ZBTB7C: variants seen among roughly 807,000 people sequenced by gnomAD.
ZBTB7C encodes the protein zinc finger and BTB domain containing 7C.
A neutral mutation model predicts 25.7 loss-of-function variants in ZBTB7C; 8 were observed. The observed-to-expected ratio is 0.31, with a 90% CI of 0.18 to 0.56. The LOEUF (loss-of-function observed/expected upper bound fraction) is 0.56. Among genes scored for constraint, ZBTB7C ranks in the 20% least tolerant of loss-of-function variants. The probability of loss-of-function intolerance (pLI) is 0.91; values close to 1 mark genes in which losing one functional copy is unlikely to be tolerated. For missense variants in ZBTB7C, 824 were observed against 855.2 expected (o/e 0.96, Z 0.46); for synonymous variants, 394 against 369.0 (o/e 1.07, Z -0.78).
At chr18:48,364,448 G>A (rs976231868) in intron 1 of ZBTB7C, among the ~76,000 whole-genome samples, 1 of 152,276 alleles carries the variant, frequency 6.6e-6, no homozygotes, top group African/African-American at 2.4e-5. Context: ...TATGCAAAGA[G>A]TACAGGAAAT....
At chr18:48,175,410 A>G (rs916745405) in intron 3 of ZBTB7C, among the ~76,000 whole-genome samples, 115 of 152,198 alleles carry the variant, frequency 7.6e-4, no homozygotes, top group Non-Finnish European at 1.2e-4. Context: ...TGTAATTATG[A>G]GATGGGGAAG....
chr18:48,103,984 T>C (rs1297419496), intron 3 of ZBTB7C, among the ~76,000 whole-genome samples: 1 of 152,210 alleles, frequency 6.6e-6, no homozygotes, highest in Non-Finnish European at 1.5e-5. Flanking sequence ...ATGGGGTTTC[T>C]TTTCAAGGTG....
At chr18:48,158,968 C>CAG (rs1269392448) in intron 3 of ZBTB7C, among the ~76,000 whole-genome samples, 8 of 152,104 alleles carry the variant, frequency 5.3e-5, no homozygotes, top group Non-Finnish European at 1.2e-4. Context: ...AGGGTAGGGG[C>CAG]TGGGGAGATA....
chr18:48,141,248 C>T (rs1434512427), intron 3 of ZBTB7C, among the ~76,000 whole-genome samples: 1 of 151,584 alleles, frequency 6.6e-6, no homozygotes, highest in Admixed American at 6.6e-5. Flanking sequence ...GGAATGTCAC[C>T]TCCTCAGAGA....
intron 2 of ZBTB7C, among the ~76,000 whole-genome samples, chr18:48,301,648 G>A (rs1381927102): frequency 6.6e-6 from 1 of 152,274 alleles, no homozygotes; most frequent in East Asian, 1.9e-4. Context: ...GAATATTTAA[G>A]CGAGGCTAGT....
intron 3 of ZBTB7C, among the ~76,000 whole-genome samples, chr18:48,177,308 T>G (rs984003452): frequency 5.9e-5 from 9 of 152,176 alleles, no homozygotes; most frequent in African/African-American, 2.2e-4. Context: ...TGCCCTCACC[T>G]GCAAAAGCCT....
intron 2 of ZBTB7C, among the ~76,000 whole-genome samples, chr18:48,273,275 T>G (rs2144587603): frequency 6.6e-6 from 1 of 152,096 alleles, no homozygotes; most frequent in Admixed American, 6.6e-5. Flanking sequence ...AAAAAAATGC[T>G]GGAGAGACTT....
At chr18:48,133,801 C>T (rs1053552666) in intron 3 of ZBTB7C, among the ~76,000 whole-genome samples, 7 of 152,266 alleles carry the variant, frequency 4.6e-5, no homozygotes, top group Admixed American at 3.9e-4. Context: ...TCTCTCAACC[C>T]GATTCCCCTC....
At chr18:48,130,970 C>T (rs1871762738) in intron 3 of ZBTB7C, among the ~76,000 whole-genome samples, 1 of 152,200 alleles carries the variant, frequency 6.6e-6, no homozygotes, top group African/African-American at 2.4e-5. Context: ...GTGGTCCCAT[C>T]TCAGCTCACT....
intron 1 of ZBTB7C, among the ~76,000 whole-genome samples, chr18:48,339,642 C>G (rs2144963146): frequency 6.6e-6 from 1 of 151,954 alleles, no homozygotes; most frequent in East Asian, 1.9e-4. Flanking sequence ...CCTTCCAAGT[C>G]ACCTCAGGGG....
In ZBTB7C at chr18:48,385,165, C is replaced by T. The variant is rs559467882; in HGVS notation, c.-304+24061G>A. 3.3e-5 allele frequency among the ~76,000 whole-genome samples: 5 copies of T among 152,304 alleles called. No individual in the cohort carries two copies. The East Asian group carries it at 5.8e-4, about 18-fold the overall frequency. On this transcript the variant is annotated intron_variant, in intron 1 of 4. Coordinates refer to ENST00000590800, the MANE Select transcript of ZBTB7C (RefSeq NM_001318841.2). ...CCACATCCTTCAGATGGGGTTACCG[C>T]GATGGCCTTGGAGTTGAGGTGAGCA...
At chr18:48,189,084 C>G (rs1261586327) in intron 2 of ZBTB7C, among the ~76,000 whole-genome samples, 1 of 152,214 alleles carries the variant, frequency 6.6e-6, no homozygotes. Flanking sequence ...CAGGGCTGAG[C>G]ACACCATGGT....
chr18:48,381,384 T>C (rs2145208478), intron 1 of ZBTB7C, among the ~76,000 whole-genome samples: 1 of 152,282 alleles, frequency 6.6e-6, no homozygotes, highest in East Asian at 1.9e-4. Flanking sequence ...TCTGAACATT[T>C]TAAGAAGAGA....
At chr18:48,319,321 A>G (rs561438907) in intron 2 of ZBTB7C, among the ~76,000 whole-genome samples, 10 of 152,288 alleles carry the variant, frequency 6.6e-5, no homozygotes, top group Middle Eastern at 3.4e-3. Flanking sequence ...CCTTTAAGCC[A>G]TATGGGTGTG....
chr18:48,362,521 C>T lies in ZBTB7C; in HGVS notation c.-303-24123G>A, dbSNP rs2047131905. ...CCATTCTCTGAACCAAAAAGCAGGCCCTCACCAGACACCCAATCTGCCTTG... is the reference window on the plus strand; with the variant it reads ...CCATTCTCTGAACCAAAAAGCAGGCTCTCACCAGACACCCAATCTGCCTTG... On this transcript the variant is annotated intron_variant, in intron 1 of 4. Coordinates refer to ENST00000590800, the MANE Select transcript of ZBTB7C (RefSeq NM_001318841.2). Among the ~76,000 whole-genome samples, 8 of 152,226 alleles carry T rather than the reference C, an allele frequency of 5.3e-5. No individual in the cohort carries two copies. In the South Asian group the frequency reaches 1.5e-3, roughly 28 times the overall value.
At chr18:48,090,601 G>A (rs2038375678) in intron 3 of ZBTB7C, among the ~76,000 whole-genome samples, 1 of 152,200 alleles carries the variant, frequency 6.6e-6, no homozygotes. Context: ...AGTGGACAGA[G>A]GCTGAGACCT....
chr18:48,147,229 C>T (rs913838571), intron 3 of ZBTB7C, among the ~76,000 whole-genome samples: 9 of 152,126 alleles, frequency 5.9e-5, no homozygotes, highest in African/African-American at 2.2e-4. Flanking sequence ...AGGCACATAC[C>T]ACCATGTCTG....
chr18:48,076,089 T>C (rs148543234), intron 3 of ZBTB7C, among the ~76,000 whole-genome samples: 149 of 152,366 alleles, frequency 9.8e-4, no homozygotes, highest in African/African-American at 3.1e-3. Context: ...AGTCGGGCTC[T>C]GGGCAAGGTG....
At chr18:48,186,679 T>G (rs943242220) in intron 2 of ZBTB7C, among the ~76,000 whole-genome samples, 10 of 152,134 alleles carry the variant, frequency 6.6e-5, no homozygotes, top group Non-Finnish European at 1.3e-4. Context: ...TGTTGCAATG[T>G]GAGTCTGGGC....
Sources: gnomAD v4.1 joint callset for allele counts (sites outside exome capture counted in the v4.1 genomes callset) on GRCh38, gnomAD v4.1.1 for gene constraint, MANE v1.5 for transcripts, NCBI Gene and HGNC (gene_info 2026-07-23, HGNC 2026-07-21) for gene names.